Variants in CACNA1E observed in about 807,000 individuals in gnomAD.
CACNA1E encodes the protein calcium voltage-gated channel subunit alpha1 E.
Under a neutral mutation model 259.2 loss-of-function variants are expected in CACNA1E, and 40 were observed. That is an observed-to-expected ratio of 0.15 (90% CI 0.12 to 0.20). The LOEUF (loss-of-function observed/expected upper bound fraction) is 0.20, where lower values mean the gene tolerates loss of function less well. Ranked by LOEUF, CACNA1E falls within the 10% of genes least tolerant of loss-of-function variation. The pLI is 1.00. For synonymous variants in CACNA1E, 1,104 were observed against 1,138.5 expected (o/e 0.97, Z 0.61); for missense variants, 1,874 against 3,040.1 (o/e 0.62, Z 9.02).
intron 3 of CACNA1E, among the ~76,000 whole-genome samples, chr1:181,550,880 C>T (rs550602279): frequency 1.8e-4 from 28 of 152,044 alleles, no homozygotes; most frequent in African/African-American, 6.5e-4. Flanking sequence ...GGATCGGTGC[C>T]TTAATTTTAG....
intron 2 of CACNA1E, among the ~76,000 whole-genome samples, chr1:181,438,277 G>A (rs1660224016): frequency 6.6e-6 from 1 of 152,168 alleles, no homozygotes; most frequent in South Asian, 2.1e-4. Context: ...TCTCATAATG[G>A]CTCTAGAAGC....
intron 2 of CACNA1E, among the ~76,000 whole-genome samples, chr1:181,454,034 A>G (rs1243873529): frequency 1.3e-5 from 2 of 152,166 alleles, no homozygotes; most frequent in Non-Finnish European, 2.9e-5. Flanking sequence ...GGGAAATGAT[A>G]CCTACCTTGA....
chr1:181,375,399 C>A (rs1270610496), intron 1 of CACNA1E, among the ~76,000 whole-genome samples: 1 of 152,122 alleles, frequency 6.6e-6, no homozygotes, highest in African/African-American at 2.4e-5. Context: ...TGAAATCTAA[C>A]CCCCAGCTGC....
chr1:181,791,693 A>T (rs1315345277), intron 44 of CACNA1E, among the ~76,000 whole-genome samples: 1 of 152,192 alleles, frequency 6.6e-6, no homozygotes, highest in Non-Finnish European at 1.5e-5. Context: ...ACTGGACTGA[A>T]GAGAAAAAAA....
intron 25 of CACNA1E, chr1:181,745,392 A>G (rs754601141): frequency 2.0e-6 from 1 of 490,774 alleles, no homozygotes; most frequent in Non-Finnish European, 4.0e-6. Flanking sequence ...ATGGGATCTC[A>G]GCCCGTGGCC....
chr1:181,599,690 A>G (rs1653551326), intron 6 of CACNA1E, among the ~76,000 whole-genome samples: 1 of 152,240 alleles, frequency 6.6e-6, no homozygotes, highest in Non-Finnish European at 1.5e-5. Flanking sequence ...GTAGGTGCTT[A>G]GTAAAAAATC....
chr1:181,783,886 G>T, intron 40 of CACNA1E, 102 bp downstream of exon 40: 1 of 757,690 alleles, frequency 1.3e-6, no homozygotes, highest in Non-Finnish European at 2.4e-6. Flanking sequence ...ATCCAGTTAA[G>T]GACACAATAA....
At chr1:181,682,008 T>C (rs1386353383) in intron 7 of CACNA1E, among the ~76,000 whole-genome samples, 2 of 152,212 alleles carry the variant, frequency 1.3e-5, no homozygotes, top group Non-Finnish European at 2.9e-5. Flanking sequence ...CTGGAGGTCC[T>C]TACCCTGGCA....
At chr1:181,613,313 A>T (rs1654914966) in intron 6 of CACNA1E, among the ~76,000 whole-genome samples, 2 of 152,182 alleles carry the variant, frequency 1.3e-5, no homozygotes, top group Non-Finnish European at 2.9e-5. Context: ...ATAACTTTTG[A>T]GACCCCCCAA....
At chr1:181,711,429 C>A (rs1385336279) in intron 8 of CACNA1E, among the ~76,000 whole-genome samples, 4 of 152,148 alleles carry the variant, frequency 2.6e-5, no homozygotes, top group African/African-American at 9.7e-5. Flanking sequence ...CTACTTTGTG[C>A]CAGACCCTGT....
At chr1:181,511,256 C>A in intron 2 of CACNA1E, 115 bp from the exon 3 acceptor site, 5 of 1,253,864 alleles carry the variant, frequency 4.0e-6, no homozygotes, top group Non-Finnish European at 5.7e-6. Flanking sequence ...TGCTTCCCAC[C>A]TACACATGGG....
intron 6 of CACNA1E, among the ~76,000 whole-genome samples, chr1:181,599,705 G>A (rs1653553998): frequency 6.6e-6 from 1 of 152,204 alleles, no homozygotes; most frequent in Non-Finnish European, 1.5e-5. Flanking sequence ...AAAATCTGGT[G>A]ATTTACTGGA....
chr1:181,699,232 A>G (rs1397062492), intron 7 of CACNA1E, among the ~76,000 whole-genome samples: 2 of 152,234 alleles, frequency 1.3e-5, no homozygotes, highest in Non-Finnish European at 2.9e-5. Flanking sequence ...GGCACCAGGC[A>G]TTGTTCTGAG....
chr1:181,404,021 C>A (rs1657288511), intron 1 of CACNA1E, among the ~76,000 whole-genome samples: 1 of 152,190 alleles, frequency 6.6e-6, no homozygotes, highest in Non-Finnish European at 1.5e-5. Flanking sequence ...GATTTTCCCT[C>A]CAAAACCCTA....
intron 2 of CACNA1E, among the ~76,000 whole-genome samples, chr1:181,473,596 C>T (rs1662658976): frequency 6.6e-6 from 1 of 152,190 alleles, no homozygotes. Context: ...GATATAAACC[C>T]AACCAGGACT....
intron 3 of CACNA1E, among the ~76,000 whole-genome samples, chr1:181,575,327 A>T (rs2102957052): frequency 6.6e-6 from 1 of 152,246 alleles, no homozygotes; most frequent in African/African-American, 2.4e-5. Flanking sequence ...CGCATACCTC[A>T]TGGCTGGCTC....
At chr1:181,395,013 T>C (rs1421818473) in intron 1 of CACNA1E, among the ~76,000 whole-genome samples, 1 of 152,148 alleles carries the variant, frequency 6.6e-6, no homozygotes, top group Non-Finnish European at 1.5e-5. Flanking sequence ...AGAGGAATGA[T>C]GTGCTCTGCC....
intron 3 of CACNA1E, among the ~76,000 whole-genome samples, chr1:181,531,771 A>G (rs945346454): frequency 3.3e-5 from 5 of 152,136 alleles, no homozygotes; most frequent in African/African-American, 9.7e-5. Context: ...AGGTAGAAAA[A>G]TTGCCAGGCA....
intron 6 of CACNA1E, among the ~76,000 whole-genome samples, chr1:181,627,132 C>A (rs1010520193): frequency 4.6e-5 from 7 of 152,090 alleles, no homozygotes; most frequent in Non-Finnish European, 7.4e-5. Context: ...GATACTCTAG[C>A]AAGATGAAAG....
Sources: gnomAD v4.1 joint callset for allele counts (sites outside exome capture counted in the v4.1 genomes callset) on GRCh38, gnomAD v4.1.1 for gene constraint, MANE v1.5 for transcripts, NCBI Gene and HGNC (gene_info 2026-07-23, HGNC 2026-07-21) for gene names.